The following CLVS1 variants were observed in gnomAD, a reference collection of about 807,000 sequenced individuals.
CLVS1 encodes clavesin-1.
Under a neutral mutation model 33.1 loss-of-function variants are expected in CLVS1, and 10 were observed. The ratio of observed to expected loss-of-function variants is 0.30; its 90% CI spans 0.19 to 0.51. CLVS1 has a LOEUF of 0.51. Ranked by LOEUF, CLVS1 falls within the 20% of genes least tolerant of loss-of-function variation. CLVS1 has a pLI of 0.97. For missense variants in CLVS1, 343 were observed against 433.4 expected, an observed-to-expected ratio of 0.79 and a Z score of 1.85; for synonymous variants, 163 against 166.1, an observed-to-expected ratio of 0.98 and a Z score of 0.14.
At chr8:61,277,012 C>T (rs758922547) in intron 2 of CLVS1, among the ~76,000 whole-genome samples, 2 of 152,192 alleles carry the variant, frequency 1.3e-5, no homozygotes, top group Non-Finnish European at 2.9e-5. Context: ...AGCTGTTGCT[C>T]CTACTGGTAA....
the CLVS1 span, among the ~76,000 whole-genome samples, chr8:61,023,455 C>A: frequency 1.3e-5 from 2 of 152,168 alleles, no homozygotes; most frequent in Admixed American, 6.5e-5. Flanking sequence ...AAATGCCCTG[C>A]CATGCACCAT....
chr8:61,083,803 T>C (rs1805069773), intron 1 of CLVS1, among the ~76,000 whole-genome samples: 1 of 152,118 alleles, frequency 6.6e-6, no homozygotes. Context: ...GAGTACATGG[T>C]AGAAGAAAAT....
chr8:61,163,385 A>G (rs918766717), intron 2 of CLVS1, among the ~76,000 whole-genome samples: 1 of 152,250 alleles, frequency 6.6e-6, no homozygotes, highest in Non-Finnish European at 1.5e-5. Flanking sequence ...AGATTACGTC[A>G]GTACAAAAAT....
intron 2 of CLVS1, among the ~76,000 whole-genome samples, chr8:61,248,644 TTATA>T (rs113770223): frequency 6.7e-6 from 1 of 149,040 alleles, no homozygotes; most frequent in South Asian, 2.1e-4. Context: ...ACCAAGTCAT[TTATA>T]TATATATATA....
At chr8:61,209,259 G>T (rs1807923373) in intron 2 of CLVS1, among the ~76,000 whole-genome samples, 1 of 152,204 alleles carries the variant, frequency 6.6e-6, no homozygotes, top group African/African-American at 2.4e-5. Flanking sequence ...CCCAGCTGTG[G>T]GGCTAAGCTT....
At chr8:61,143,036 A>G (rs1447762139) in intron 2 of CLVS1, among the ~76,000 whole-genome samples, 1 of 152,192 alleles carries the variant, frequency 6.6e-6, no homozygotes, top group Non-Finnish European at 1.5e-5. Context: ...TCAGCTATTG[A>G]TATTATCCAT....
intron 2 of CLVS1, among the ~76,000 whole-genome samples, chr8:61,197,837 C>G (rs1807648844): frequency 6.6e-6 from 1 of 152,138 alleles, no homozygotes; most frequent in African/African-American, 2.4e-5. Flanking sequence ...TATGGCTTTA[C>G]TCTCCACTGT....
At chr8:61,476,918 G>A (rs886411586) in intron 5 of CLVS1, among the ~76,000 whole-genome samples, 4 of 152,184 alleles carry the variant, frequency 2.6e-5, no homozygotes, top group African/African-American at 9.6e-5. Flanking sequence ...CATTGAGTAT[G>A]ATATTGGCTG....
At chr8:61,447,200 T>C (rs1228559050) in intron 3 of CLVS1, among the ~76,000 whole-genome samples, 4 of 152,154 alleles carry the variant, frequency 2.6e-5, no homozygotes, top group Non-Finnish European at 5.9e-5. Flanking sequence ...CCAACAATAA[T>C]TGTGGATTTG....
chr8:61,053,452 G>T (rs1295443051), upstream of CLVS1, among the ~76,000 whole-genome samples: 3 of 152,190 alleles, frequency 2.0e-5, no homozygotes, highest in African/African-American at 7.2e-5. Context: ...AGGAGGGAGT[G>T]GTTATCCATG....
At chr8:61,427,455 A>G (rs1199631874) in intron 3 of CLVS1, among the ~76,000 whole-genome samples, 2 of 152,176 alleles carry the variant, frequency 1.3e-5, no homozygotes, top group African/African-American at 4.8e-5. Context: ...TTAGAAAGTG[A>G]GAGGATGGGG....
At chr8:61,499,138 G>C (rs1276520909) in intron 5 of CLVS1, among the ~76,000 whole-genome samples, 2 of 152,118 alleles carry the variant, frequency 1.3e-5, no homozygotes, top group Non-Finnish European at 2.9e-5. Flanking sequence ...ACAGAGATAC[G>C]AAAGGGAATA....
chr8:61,213,662 T>G (rs1329450146), intron 2 of CLVS1, among the ~76,000 whole-genome samples: 1 of 152,160 alleles, frequency 6.6e-6, no homozygotes. Context: ...CTTTAATCTC[T>G]TAATCCTGTC....
intron 3 of CLVS1, among the ~76,000 whole-genome samples, chr8:61,430,038 G>C (rs7821162): frequency 0.13 from 19,699 of 152,172 alleles, 1,544 homozygotes; most frequent in African/African-American, 0.21. Context: ...TTTTAACTAT[G>C]AATGTAAGCT....
At chr8:61,200,714 T>C (rs916239624) in intron 2 of CLVS1, among the ~76,000 whole-genome samples, 3 of 152,244 alleles carry the variant, frequency 2.0e-5, no homozygotes, top group African/African-American at 7.2e-5. Flanking sequence ...TGATGTGAGA[T>C]ATCATTTGTG....
intron 1 of CLVS1, among the ~76,000 whole-genome samples, chr8:61,105,834 G>C (rs1157394689): frequency 1.3e-5 from 2 of 151,896 alleles, no homozygotes; most frequent in Non-Finnish European, 2.9e-5. Flanking sequence ...ATAGGATAAA[G>C]GACAAACTTG....
intron 2 of CLVS1, among the ~76,000 whole-genome samples, chr8:61,245,567 G>A (rs1298058425): frequency 1.3e-5 from 2 of 151,698 alleles, no homozygotes; most frequent in African/African-American, 4.8e-5. Flanking sequence ...GTCGTCTTTT[G>A]TCCATTTATA....
chr8:60,967,783 C>A, the CLVS1 span: 1 of 442,352 alleles, frequency 2.3e-6, no homozygotes, highest in Non-Finnish European at 4.5e-6. Context: ...TCTTTTTCCT[C>A]TTATGAGTAC....
At chr8:61,396,788 CAA>C (rs1814545596) in intron 3 of CLVS1, among the ~76,000 whole-genome samples, 1 of 152,182 alleles carries the variant, frequency 6.6e-6, no homozygotes. Context: ...TGGAATCATA[CAA>C]TATGCGGTCC....
Sources: gnomAD v4.1 joint callset for allele counts (sites outside exome capture counted in the v4.1 genomes callset) on GRCh38, gnomAD v4.1.1 for gene constraint, MANE v1.5 for transcripts, NCBI Gene and HGNC (gene_info 2026-07-23, HGNC 2026-07-21) for gene names.